SPPL2A: variants seen among roughly 807,000 people sequenced by gnomAD.
SPPL2A encodes signal peptide peptidase like 2A, also known as signal peptide peptidase-like 2A.
In SPPL2A, 51 loss-of-function variants were observed where a neutral mutation model predicts 63.8. The observed-to-expected ratio is 0.80, with a 90% CI of 0.64 to 1.01. The LOEUF (loss-of-function observed/expected upper bound fraction) is 1.01. Ranked by LOEUF, SPPL2A falls within the 50% of genes least tolerant of loss-of-function variation. SPPL2A has a pLI of 0.00. For synonymous variants in SPPL2A, 188 were observed against 205.8 expected, an observed-to-expected ratio of 0.91 and a Z score of 0.74; for missense variants, 553 against 622.7, an observed-to-expected ratio of 0.89 and a Z score of 1.19.
chr15:50,724,638 T>C (rs1221757380), intron 12 of SPPL2A, among the ~76,000 whole-genome samples: 1 of 152,002 alleles, frequency 6.6e-6, no homozygotes, highest in Non-Finnish European at 1.5e-5. Flanking sequence ...TATTATTAAT[T>C]ACTTCTAAAC....
At chr15:50,718,223 C>T (rs1476714862) in intron 14 of SPPL2A, among the ~76,000 whole-genome samples, 7 of 151,836 alleles carry the variant, frequency 4.6e-5, no homozygotes, top group African/African-American at 7.3e-5. Flanking sequence ...GTGATCCTCC[C>T]GCCTCAGCCT....
chr15:50,724,869 C>G (rs2062673940), intron 12 of SPPL2A, among the ~76,000 whole-genome samples: 1 of 152,178 alleles, frequency 6.6e-6, no homozygotes, highest in South Asian at 2.1e-4. Context: ...TTTTCTAAAA[C>G]ATAACTATTA....
intron 1 of SPPL2A, among the ~76,000 whole-genome samples, chr15:50,756,586 G>C (rs1476548030): frequency 6.6e-6 from 1 of 151,750 alleles, no homozygotes; most frequent in East Asian, 1.9e-4. Flanking sequence ...AAAAAGTTTA[G>C]TATCAAGAGC....
At position 50,702,519 on chromosome 15, in the gene SPPL2A, A is replaced by C. The variant is rs574041781; in HGVS notation, c.*5281T>G. 6.6e-6 allele frequency: 1 copy of C among 152,338 alleles called. No homozygotes were observed. The highest frequency in any genetic ancestry group is 2.4e-5 in the African/African-American group (1 of 41,588). 9.4% of individuals were successfully genotyped at this position (152,338 alleles called of 1,614,324 possible). Reference sequence around the variant, plus strand: ...CCAATTATCTGAGAAGTAAAAATTCAATCATGTTTTAAAAAATGTTTTCAT... The same window carrying C: ...CCAATTATCTGAGAAGTAAAAATTCCATCATGTTTTAAAAAATGTTTTCAT... On this transcript the variant is annotated 3_prime_UTR_variant, in exon 15 of 15. Transcript: ENST00000261854.
At position 50,705,206 on chromosome 15, in the gene SPPL2A, T is replaced by A. The variant is rs2062499098; in HGVS notation, c.*2594A>T. ...AAATACAAAAATTAGCCAGGTGTGG[T>A]GGCACGCACCTGTAATCCCGTCTAC... On this transcript the variant is annotated 3_prime_UTR_variant, in exon 15 of 15. Transcript: ENST00000261854. 1 of 152,028 alleles carries A rather than the reference T, an allele frequency of 6.6e-6. No individual in the cohort carries two copies. Among genetic ancestry groups the A allele is most frequent in the Non-Finnish European group, 1.5e-5 (1 of 68,050 alleles). The allele number at this position is 152,028 out of a possible 1,614,324, so 9.4% of individuals were successfully genotyped here.
intron 1 of SPPL2A, among the ~76,000 whole-genome samples, chr15:50,760,449 C>CG (rs1350343666): frequency 6.6e-6 from 1 of 151,994 alleles, no homozygotes; most frequent in Non-Finnish European, 1.5e-5. Context: ...TTAGTAGAGA[C>CG]GGGGTTTCAT....
At chr15:50,712,678 CCTT>C (rs2062569021) in intron 14 of SPPL2A, among the ~76,000 whole-genome samples, 1 of 126,356 alleles carries the variant, frequency 7.9e-6, no homozygotes, top group Non-Finnish European at 1.7e-5. Flanking sequence ...CCTCCCCCCC[CCTT>C]TTTTTTTTTT....
intron 10 of SPPL2A, 51 bp downstream of exon 10, chr15:50,730,914 A>G: frequency 1.3e-6 from 1 of 767,202 alleles, no homozygotes; most frequent in East Asian, 2.5e-5. Context: ...CAGATTTAAG[A>G]TGATCATTTT....
chr15:50,747,355 A>T, intron 5 of SPPL2A, 140 bp downstream of exon 5: 1 of 692,618 alleles, frequency 1.4e-6, no homozygotes, highest in Non-Finnish European at 2.5e-6. Flanking sequence ...AATGATCTAC[A>T]TGAGGACAAA....
chr15:50,716,355 C>T (rs1328575491), intron 14 of SPPL2A, among the ~76,000 whole-genome samples: 1 of 151,934 alleles, frequency 6.6e-6, no homozygotes, highest in African/African-American at 2.4e-5. Flanking sequence ...CCACCATGCC[C>T]AGCTAATTTT....
intron 6 of SPPL2A, among the ~76,000 whole-genome samples, chr15:50,739,144 G>A (rs1034247052): frequency 7.3e-6 from 1 of 136,700 alleles, no homozygotes; most frequent in Non-Finnish European, 1.6e-5. Context: ...CCATGAAGAA[G>A]TGTTCTTATC....
At chr15:50,763,818 A>G (rs1161762987) in intron 1 of SPPL2A, among the ~76,000 whole-genome samples, 1 of 152,130 alleles carries the variant, frequency 6.6e-6, no homozygotes, top group Admixed American at 6.6e-5. Context: ...GAATTGCTTG[A>G]ACCTGGGAGG....
rs185421096 is a variant in SPPL2A at position 50,702,865 on chromosome 15, T to C, written c.*4935A>G. On this transcript the variant is annotated 3_prime_UTR_variant, in exon 15 of 15. Coordinates refer to ENST00000261854, the MANE Select transcript of SPPL2A (RefSeq NM_032802.4). The stretch of plus-strand genomic sequence containing the variant: ...GATTAAACGAGGACATTTATACTTA[T>C]GATCTTCACTATAATATGGCCTATA... 23 of 152,072 alleles carry C rather than the reference T, an allele frequency of 1.5e-4. No individual in the cohort carries two copies. Among genetic ancestry groups the C allele is most frequent in the African/African-American group, 5.6e-4 (23 of 41,344 alleles). The allele number at this position is 152,072 out of a possible 1,614,324, so 9.4% of individuals were successfully genotyped here.
chr15:50,712,327 G>A (rs1416591248), intron 14 of SPPL2A, among the ~76,000 whole-genome samples: 1 of 152,212 alleles, frequency 6.6e-6, no homozygotes. Flanking sequence ...TCTGCTTGGA[G>A]AAGGCAGAAT....
intron 5 of SPPL2A, among the ~76,000 whole-genome samples, chr15:50,743,912 C>T (rs1461579530): frequency 6.6e-6 from 1 of 152,060 alleles, no homozygotes; most frequent in East Asian, 1.9e-4. Context: ...CAGTGGCTCA[C>T]ACCTGTAATC....
chr15:50,714,588 A>T (rs1272235095), intron 14 of SPPL2A, among the ~76,000 whole-genome samples: 1 of 141,514 alleles, frequency 7.1e-6, no homozygotes, highest in Non-Finnish European at 1.5e-5. Context: ...CAAAGATAGT[A>T]TCATCGCACT....
intron 6 of SPPL2A, among the ~76,000 whole-genome samples, chr15:50,739,170 CTTT>C (rs71127136): frequency 3.7e-5 from 4 of 106,938 alleles, no homozygotes; most frequent in East Asian, 2.6e-4. Context: ...ACATAACGTA[CTTT>C]TTTTTTTTTT....
rs1422617270 is a variant in SPPL2A at position 50,706,295 on chromosome 15, C to T, written c.*1505G>A. On this transcript the variant is annotated 3_prime_UTR_variant, in exon 15 of 15. Coordinates refer to ENST00000261854, the MANE Select transcript of SPPL2A (RefSeq NM_032802.4). ...GTCCTAGCTACTTGGGAGGCTGAGGCAGGAGAATGGCGTGAACCCGGGAGG... is the reference window on the plus strand; with the variant it reads ...GTCCTAGCTACTTGGGAGGCTGAGGTAGGAGAATGGCGTGAACCCGGGAGG... The T allele has an allele frequency of 7.0e-6, 1 of 143,360 alleles. No individual in the cohort carries two copies. Among genetic ancestry groups the T allele is most frequent in the Admixed American group, 7.4e-5 (1 of 13,496 alleles). The allele number at this position is 143,360 out of a possible 1,614,324, so 8.9% of individuals were successfully genotyped here.
At chr15:50,707,945 A>G in intron 14 of SPPL2A, 71 bp from the exon 15 acceptor site, 1 of 802,844 alleles carries the variant, frequency 1.2e-6, no homozygotes, top group Non-Finnish European at 2.2e-6. Flanking sequence ...ACATTAGCAA[A>G]AGGATTCTTT....
Sources: allele counts gnomAD v4.1 joint callset (sites outside exome capture counted in the v4.1 genomes callset), GRCh38; gene constraint gnomAD v4.1.1; transcripts MANE v1.5; gene names NCBI Gene and HGNC (gene_info 2026-07-23, HGNC 2026-07-21).